KSR1: variants seen among roughly 807,000 people sequenced by gnomAD.
The protein encoded by KSR1 is kinase suppressor of ras 1.
KSR1 carries 35 observed loss-of-function variants against 92.9 expected under a neutral mutation model. The observed-to-expected ratio is 0.38, with a 90% confidence interval of 0.29 to 0.50. The LOEUF is 0.50. KSR1 is among the 20% of genes least tolerant of loss of function. The probability of loss-of-function intolerance (pLI) is 0.94; values close to 1 mark genes in which losing one functional copy is unlikely to be tolerated. For synonymous variants in KSR1, 467 were observed against 472.6 expected (o/e 0.99, Z 0.15); for missense variants, 972 against 1,158.5 (o/e 0.84, Z 2.34).
intron 1 of KSR1, among the ~76,000 whole-genome samples, chr17:27,505,012 G>A (rs761067207): frequency 3.9e-4 from 60 of 152,184 alleles, no homozygotes; most frequent in Non-Finnish European, 5.9e-5. Context: ...GTCCCATAAA[G>A]CCAGGGAAAG....
chr17:27,531,307 C>T (rs1451504626), intron 1 of KSR1, among the ~76,000 whole-genome samples: 2 of 152,272 alleles, frequency 1.3e-5, no homozygotes, highest in Non-Finnish European at 2.9e-5. Context: ...ATGGCCTTGG[C>T]ACTGCAGGGC....
In KSR1 at chr17:27,563,981, CTTTTTTTTTT is replaced by C. The variant is rs200904358; in HGVS notation, c.372+13289_372+13298del. Reference sequence around the variant, plus strand: ...TATTTGTACAGTTGGTATTCGGTAGCTTTTTTTTTTTTTTTTTTTTTTTTTGAGATGGAAT... The same window carrying C: ...TATTTGTACAGTTGGTATTCGGTAGCTTTTTTTTTTTTTTTGAGATGGAAT... On this transcript the variant is annotated intron_variant, in intron 2 of 20. Coordinates refer to ENST00000644974, the MANE Select transcript of KSR1 (RefSeq NM_001394583.1). 1.3e-4 allele frequency among the ~76,000 whole-genome samples: 6 copies of C among 46,892 alleles called. No individual in the cohort carries two copies. The East Asian group carries it at 2.2e-3, about 17-fold the overall frequency. The allele number at this position is 46,892 out of a possible 152,430, so 30.8% of individuals were successfully genotyped here. A position where few individuals can be genotyped will look rare whatever the true frequency, so the allele number is the denominator to read the frequency against.
chr17:27,463,077 T>G (rs1415974946), intron 1 of KSR1, among the ~76,000 whole-genome samples: 1 of 152,262 alleles, frequency 6.6e-6, no homozygotes, highest in Non-Finnish European at 1.5e-5. Flanking sequence ...TCAAAGTATA[T>G]GAATACATTT....
intron 1 of KSR1, among the ~76,000 whole-genome samples, chr17:27,478,188 G>A (rs1290113330): frequency 6.6e-6 from 1 of 152,220 alleles, no homozygotes; most frequent in Non-Finnish European, 1.5e-5. Flanking sequence ...TGGAGTATGT[G>A]CTTTAATCAG....
At chr17:27,526,928 G>A in intron 1 of KSR1, 4 of 612,554 alleles carry the variant, frequency 6.5e-6, no homozygotes, top group Non-Finnish European at 1.2e-5. Flanking sequence ...TCAGGAGGGG[G>A]CTGACGCTCC....
chr17:27,553,649 C>T (rs2071484559), intron 2 of KSR1, among the ~76,000 whole-genome samples: 1 of 152,250 alleles, frequency 6.6e-6, no homozygotes, highest in Admixed American at 6.5e-5. Flanking sequence ...CCATTAGCTG[C>T]TGTCATTCCA....
chr17:27,601,363 C>A lies in KSR1; in HGVS notation c.1472C>A (p.Ala491Asp). The change falls in exon 11 of 21, where the codon GCC becomes GAC. Residue 491 changes from alanine to aspartate, a missense_variant. By Grantham distance (126) the Ala-to-Asp change is moderately radical. Around this residue, in one of 5 missense-constraint regions of KSR1, gnomAD observed 611 missense variants for 668.0 expected, o/e 0.91. Transcript: ENST00000644974. ...TCACCTCCTCTTCTGTTTAAAGCTG[C>A]CTACTTCATTCATCATAGACAGCAG... ...QRDSRFNFPA[A>D]YFIHHRQQFI... 6.2e-7 allele frequency: 1 copy of A among 1,613,442 alleles called. No individual in the cohort carries two copies. The highest frequency in any genetic ancestry group is 8.5e-7 in the Non-Finnish European group (1 of 1,179,390).
intron 18 of KSR1, among the ~76,000 whole-genome samples, chr17:27,614,331 G>A (rs187305922): frequency 7.7e-4 from 118 of 152,374 alleles, no homozygotes; most frequent in African/African-American, 2.1e-3. Flanking sequence ...ACAAGAGTTA[G>A]CAAGGACATC....
chr17:27,489,243 C>CAGGG (rs1211796768), intron 1 of KSR1, among the ~76,000 whole-genome samples: 8 of 152,358 alleles, frequency 5.3e-5, no homozygotes, highest in African/African-American at 1.9e-4. Context: ...TGCCCACATG[C>CAGGG]AGGGTGTGGA....
chr17:27,596,576 T>C (rs2073351212), intron 9 of KSR1, among the ~76,000 whole-genome samples: 1 of 152,214 alleles, frequency 6.6e-6, no homozygotes, highest in South Asian at 2.1e-4. Flanking sequence ...GAAAGTTCTT[T>C]CTAGCTCCAG....
chr17:27,469,254 T>C (rs1345913380), intron 1 of KSR1, among the ~76,000 whole-genome samples: 1 of 152,236 alleles, frequency 6.6e-6, no homozygotes, highest in East Asian at 1.9e-4. Flanking sequence ...ATTTCTTTTC[T>C]CCGTGGTCTT....
chr17:27,558,963 G>A (rs1006168399), intron 2 of KSR1, among the ~76,000 whole-genome samples: 3 of 152,086 alleles, frequency 2.0e-5, no homozygotes, highest in Non-Finnish European at 2.9e-5. Flanking sequence ...GAAAACATAC[G>A]TGGATCGTTT....
At chr17:27,570,665 C>T (rs544170381) in intron 2 of KSR1, among the ~76,000 whole-genome samples, 7 of 152,300 alleles carry the variant, frequency 4.6e-5, no homozygotes, top group African/African-American at 1.2e-4. Context: ...CAGGAGAGGA[C>T]GTCTCCTGGG....
chr17:27,531,109 A>G (rs1231264678), intron 1 of KSR1, among the ~76,000 whole-genome samples: 2 of 152,178 alleles, frequency 1.3e-5, no homozygotes, highest in Non-Finnish European at 2.9e-5. Context: ...AGACTGGCCC[A>G]TACCAGCCCT....
At position 27,605,563 on chromosome 17, in the gene KSR1, C is replaced by A; in HGVS notation, c.1744C>A (p.Gln582Lys). The change falls in exon 14 of 21, where the codon CAG becomes AAG. Residue 582 changes from glutamine (Q) to lysine (K), a missense_variant. By Grantham distance (53) the Gln-to-Lys change is moderately conservative. Transcript: ENST00000644974. ...GGCCAGCCAGACCAGCGTGTACCTGCAGGAGTGGGACATCCCCTTCGAGCA... is the reference window on the plus strand; with the variant it reads ...GGCCAGCCAGACCAGCGTGTACCTGAAGGAGTGGGACATCCCCTTCGAGCA... ...RKASQTSVYL[Q>K]EWDIPFEQVE... is the part of the protein sequence containing the mutation. The A allele has an allele frequency of 6.3e-7, 1 of 1,595,650 alleles. No homozygotes were observed. Among genetic ancestry groups the A allele is most frequent in the African/African-American group, 1.3e-5 (1 of 74,716 alleles).
intron 11 of KSR1, among the ~76,000 whole-genome samples, chr17:27,602,288 C>T (rs1598125152): frequency 6.6e-6 from 1 of 152,318 alleles, no homozygotes; most frequent in Non-Finnish European, 1.5e-5. Context: ...AGTCAGGGCC[C>T]TGAGAACCCG....
chr17:27,497,891 T>C (rs2069044379), intron 1 of KSR1, among the ~76,000 whole-genome samples: 1 of 152,046 alleles, frequency 6.6e-6, no homozygotes. Context: ...GCAGAGTCAG[T>C]GCGTGCACAG....
intron 5 of KSR1, chr17:27,585,961 C>T: frequency 2.2e-6 from 1 of 456,358 alleles, no homozygotes. Flanking sequence ...CCCACCGAGA[C>T]TCTCCAGCAG....
chr17:27,621,462 G>A (rs2074221641), intron 20 of KSR1, among the ~76,000 whole-genome samples, 189 bp downstream of exon 20: 1 of 152,182 alleles, frequency 6.6e-6, no homozygotes, highest in South Asian at 2.1e-4. Context: ...TTTTCGCTGG[G>A]TGAGAGAAGA....
Sources: gnomAD v4.1 joint callset for allele counts (sites outside exome capture counted in the v4.1 genomes callset) on GRCh38, gnomAD v4.1.1 for gene constraint, gnomAD v4.1.1 regional missense constraint, MANE v1.5 for transcripts, NCBI Gene and HGNC (gene_info 2026-07-23, HGNC 2026-07-21) for gene names.